Variants in DOK6 observed in about 807,000 individuals in gnomAD.
DOK6 encodes docking protein 6, also known as downstream of tyrosine kinase 6.
A neutral mutation model predicts 44.0 loss-of-function variants in DOK6; 22 were observed. The ratio of observed to expected loss-of-function variants is 0.50; its 90% confidence interval spans 0.36 to 0.71. DOK6 has a LOEUF of 0.71. Among genes scored for constraint, DOK6 ranks in the 30% least tolerant of loss-of-function variants. The pLI, the probability that DOK6 is intolerant of heterozygous loss-of-function variation, is 0.00. For missense variants in DOK6, 340 were observed against 416.4 expected (o/e 0.82, Z 1.60); for synonymous variants, 166 against 145.5 (o/e 1.14, Z -1.01).
chr18:69,610,731 T>C (rs1984118512), intron 3 of DOK6, among the ~76,000 whole-genome samples: 1 of 152,172 alleles, frequency 6.6e-6, no homozygotes, highest in Non-Finnish European at 1.5e-5. Context: ...GGAAATACAG[T>C]ATAACAATGA....
intron 1 of DOK6, among the ~76,000 whole-genome samples, chr18:69,424,200 G>A (rs970790094): frequency 6.6e-6 from 1 of 152,128 alleles, no homozygotes; most frequent in African/African-American, 2.4e-5. Flanking sequence ...CTGGGCATAG[G>A]TTGGCCACAT....
rs539449218 is a variant in DOK6 at position 69,804,088 on chromosome 18, T to A, written c.857-37156T>A. ...GAGGATTGATTTTCCCTAAACAAAA[T>A]TTTTGAGGTTAATGTCTGGGTTCCC... On this transcript the variant is annotated intron_variant, in intron 7 of 7. Transcript: ENST00000382713. Among the ~76,000 whole-genome samples the A allele has an allele frequency of 5.9e-5, 9 of 152,194 alleles. No individual in the cohort carries two copies. In the South Asian group the frequency reaches 1.9e-3, roughly 32 times the overall value.
chr18:69,731,032 C>T (rs1473540917), intron 5 of DOK6, among the ~76,000 whole-genome samples: 1 of 152,012 alleles, frequency 6.6e-6, no homozygotes, highest in African/African-American at 2.4e-5. Flanking sequence ...AGTATTTGCC[C>T]CGAGTATCTT....
chr18:69,756,801 T>C (rs1979369529), intron 6 of DOK6, among the ~76,000 whole-genome samples: 1 of 152,168 alleles, frequency 6.6e-6, no homozygotes, highest in African/African-American at 2.4e-5. Flanking sequence ...AAAGCCTAGA[T>C]TTGACAGAGA....
At chr18:69,428,580 A>T (rs988851158) in intron 1 of DOK6, among the ~76,000 whole-genome samples, 1 of 152,126 alleles carries the variant, frequency 6.6e-6, no homozygotes, top group South Asian at 2.1e-4. Context: ...GAGCTTCCTC[A>T]TGAAAAATTA....
intron 7 of DOK6, among the ~76,000 whole-genome samples, chr18:69,815,996 C>T (rs1328432387): frequency 3.3e-5 from 5 of 152,054 alleles, no homozygotes; most frequent in Non-Finnish European, 7.4e-5. Context: ...TTTCTGTGGA[C>T]ATGATTATGT....
chr18:69,840,217 G>A (rs1401056771), intron 7 of DOK6, among the ~76,000 whole-genome samples: 1 of 152,260 alleles, frequency 6.6e-6, no homozygotes, highest in African/African-American at 2.4e-5. Context: ...TCTTCTCTGT[G>A]TTCCTCGCCC....
At chr18:69,787,375 T>G (rs1980463893) in intron 7 of DOK6, among the ~76,000 whole-genome samples, 1 of 152,212 alleles carries the variant, frequency 6.6e-6, no homozygotes, top group Non-Finnish European at 1.5e-5. Context: ...TGTGTTAACT[T>G]TATTTGTAAC....
At chr18:69,467,745 A>T (rs1192124197) in intron 1 of DOK6, among the ~76,000 whole-genome samples, 2 of 152,328 alleles carry the variant, frequency 1.3e-5, no homozygotes, top group Middle Eastern at 3.4e-3. Flanking sequence ...TACTGTTAAC[A>T]TAATTACCTG....
intron 6 of DOK6, among the ~76,000 whole-genome samples, chr18:69,750,175 GA>G (rs1424068325): frequency 6.6e-6 from 1 of 151,620 alleles, no homozygotes; most frequent in Non-Finnish European, 1.5e-5. Flanking sequence ...ACTGTTTCTT[GA>G]AAGGAAAGCC....
At chr18:69,442,307 G>C (rs1044517524) in intron 1 of DOK6, among the ~76,000 whole-genome samples, 1 of 152,116 alleles carries the variant, frequency 6.6e-6, no homozygotes, top group Non-Finnish European at 1.5e-5. Flanking sequence ...ACATACCCAA[G>C]ACTGAGTAAT....
At chr18:69,416,144 C>T (rs1465089622) in intron 1 of DOK6, among the ~76,000 whole-genome samples, 7 of 70,360 alleles carry the variant, frequency 9.9e-5, no homozygotes, top group East Asian at 4.9e-4. Flanking sequence ...GAGGGAGGGA[C>T]GGAGGGAGGG....
intron 6 of DOK6, among the ~76,000 whole-genome samples, chr18:69,756,360 A>G (rs971314219): frequency 6.6e-6 from 1 of 152,204 alleles, no homozygotes; most frequent in African/African-American, 2.4e-5. Flanking sequence ...ATAAGCAGGA[A>G]AACTTTGAAG....
chr18:69,409,806 A>G (rs1978298749), intron 1 of DOK6, among the ~76,000 whole-genome samples: 1 of 152,184 alleles, frequency 6.6e-6, no homozygotes, highest in African/African-American at 2.4e-5. Context: ...ATTTTCTCAC[A>G]TGCTATGCAA....
At chr18:69,436,187 A>T (rs761524093) in intron 1 of DOK6, among the ~76,000 whole-genome samples, 1,586 of 101,828 alleles carry the variant, frequency 0.016, 15 homozygotes, top group Middle Eastern at 0.026. Context: ...TTTTTTTTTT[A>T]CTTTAAATTC....
intron 2 of DOK6, among the ~76,000 whole-genome samples, chr18:69,565,654 A>T (rs1309646914): frequency 6.6e-6 from 1 of 152,132 alleles, no homozygotes; most frequent in East Asian, 1.9e-4. Flanking sequence ...GATTACAGGC[A>T]TGAGCTACCA....
intron 3 of DOK6, among the ~76,000 whole-genome samples, chr18:69,605,153 T>A (rs187492184): frequency 4.7e-5 from 7 of 149,406 alleles, no homozygotes; most frequent in African/African-American, 1.7e-4. Context: ...GACCAAATCA[T>A]TTTGCAGCAT....
chr18:69,543,437 G>A (rs776977006), intron 1 of DOK6, among the ~76,000 whole-genome samples: 1 of 151,678 alleles, frequency 6.6e-6, no homozygotes, highest in Non-Finnish European at 1.5e-5. Flanking sequence ...AAGGATGAAG[G>A]AAACAGACAA....
At chr18:69,472,910 T>C (rs1300074274) in intron 1 of DOK6, among the ~76,000 whole-genome samples, 4 of 152,232 alleles carry the variant, frequency 2.6e-5, no homozygotes, top group Non-Finnish European at 5.9e-5. Flanking sequence ...TGTTGTTGTA[T>C]GTTTCGTTCT....
Sources: allele counts gnomAD v4.1 joint callset (sites outside exome capture counted in the v4.1 genomes callset), GRCh38; gene constraint gnomAD v4.1.1; transcripts MANE v1.5; gene names NCBI Gene and HGNC (gene_info 2026-07-23, HGNC 2026-07-21).